OR9Q1: variants seen among roughly 807,000 people sequenced by gnomAD.
OR9Q1 encodes olfactory receptor family 9 subfamily Q member 1, also known as olfactory receptor 9Q1.
For synonymous variants in OR9Q1, 153 were observed against 148.6 expected, an observed-to-expected ratio of 1.03 and a Z score of -0.22; for missense variants, 374 against 378.8, an observed-to-expected ratio of 0.99 and a Z score of 0.11.
intron 2 of OR9Q1, among the ~76,000 whole-genome samples, chr11:58,105,330 A>C (rs2120095546): frequency 6.6e-6 from 1 of 152,294 alleles, no homozygotes; most frequent in South Asian, 2.1e-4. Context: ...ATTAATTTAT[A>C]CCTTTATTGA....
intron 2 of OR9Q1, among the ~76,000 whole-genome samples, chr11:58,071,202 CAG>C (rs919042379): frequency 6.6e-6 from 1 of 152,096 alleles, no homozygotes; most frequent in East Asian, 1.9e-4. Context: ...AGAAGCCAGA[CAG>C]GGGCTGGGCC....
In OR9Q1 at chr11:58,036,355, T is replaced by C. The variant is rs142755936; in HGVS notation, c.-93+12251T>C. On this transcript the variant is annotated intron_variant, in intron 1 of 2. Coordinates refer to ENST00000335397, the MANE Select transcript of OR9Q1 (RefSeq NM_001005212.4). ...TACTGCTCATTGACAATGCACCTGATGACACGAGAGTTCTGATGGAAATGT... is the reference window on the plus strand; with the variant it reads ...TACTGCTCATTGACAATGCACCTGACGACACGAGAGTTCTGATGGAAATGT... Among the ~76,000 whole-genome samples, 203 of 152,372 alleles carry C rather than the reference T, an allele frequency of 1.3e-3. 3 individuals are homozygous for C. The highest frequency in any genetic ancestry group is 4.3e-3 in the African/African-American group (179 of 41,592).
chr11:58,097,631 A>G (rs942068628), intron 2 of OR9Q1, among the ~76,000 whole-genome samples: 1 of 152,234 alleles, frequency 6.6e-6, no homozygotes. Context: ...AGATGGCGTC[A>G]TATATCCACA....
At chr11:58,154,983 T>C (rs549129027) in intron 2 of OR9Q1, among the ~76,000 whole-genome samples, 1 of 152,326 alleles carries the variant, frequency 6.6e-6, no homozygotes, top group Non-Finnish European at 1.5e-5. Flanking sequence ...ATGGAAAATA[T>C]GTTTTTATCT....
intron 2 of OR9Q1, among the ~76,000 whole-genome samples, chr11:58,088,089 C>A (rs1228352736): frequency 6.6e-6 from 1 of 151,858 alleles, no homozygotes; most frequent in South Asian, 2.1e-4. Context: ...GATCCACCTG[C>A]CTTGGCCTCC....
At chr11:58,062,410 G>C (rs1853388665) in intron 2 of OR9Q1, among the ~76,000 whole-genome samples, 1 of 152,148 alleles carries the variant, frequency 6.6e-6, no homozygotes, top group Non-Finnish European at 1.5e-5. Context: ...TTACATTCCA[G>C]TCCTAAGGAT....
At chr11:58,102,032 C>G (rs879612380) in intron 2 of OR9Q1, among the ~76,000 whole-genome samples, 1 of 152,196 alleles carries the variant, frequency 6.6e-6, no homozygotes, top group Non-Finnish European at 1.5e-5. Context: ...AGGTGTGAGC[C>G]ACCACGCCCG....
intron 2 of OR9Q1, among the ~76,000 whole-genome samples, chr11:58,095,945 G>T (rs1055287348): frequency 6.6e-6 from 1 of 152,138 alleles, no homozygotes; most frequent in Non-Finnish European, 1.5e-5. Flanking sequence ...AGGTCTCAGT[G>T]TGGTAGAAGC....
chr11:58,095,859 A>T (rs1050668615), intron 2 of OR9Q1, among the ~76,000 whole-genome samples: 3 of 152,196 alleles, frequency 2.0e-5, no homozygotes, highest in African/African-American at 4.8e-5. Flanking sequence ...ATAAGATATG[A>T]TTGATTTGTC....
At chr11:58,058,736 A>G (rs557680437) in intron 2 of OR9Q1, among the ~76,000 whole-genome samples, 10 of 152,304 alleles carry the variant, frequency 6.6e-5, no homozygotes, top group Middle Eastern at 3.4e-3. Context: ...TGAGAAGGCC[A>G]TGCAGCCACC....
intron 2 of OR9Q1, among the ~76,000 whole-genome samples, chr11:58,071,115 C>A (rs1212912405): frequency 1.3e-5 from 2 of 152,188 alleles, no homozygotes; most frequent in African/African-American, 4.8e-5. Flanking sequence ...AAGAGAAACT[C>A]TTCTCTCTCT....
chr11:58,038,573 T>C (rs1853130069), intron 1 of OR9Q1, among the ~76,000 whole-genome samples: 1 of 152,170 alleles, frequency 6.6e-6, no homozygotes, highest in South Asian at 2.1e-4. Flanking sequence ...TTCTGGGTAT[T>C]AGGATACTGA....
At chr11:58,104,846 T>C (rs2120094483) in intron 2 of OR9Q1, among the ~76,000 whole-genome samples, 1 of 152,282 alleles carries the variant, frequency 6.6e-6, no homozygotes, top group East Asian at 1.9e-4. Flanking sequence ...TAATCCTGGG[T>C]GCCTGAATGG....
At chr11:58,089,293 T>C (rs147918440) in intron 2 of OR9Q1, among the ~76,000 whole-genome samples, 6,560 of 151,948 alleles carry the variant, frequency 0.043, 215 homozygotes, top group African/African-American at 0.062. Flanking sequence ...TACATTTAAG[T>C]CTTTAATCTA....
intron 2 of OR9Q1, among the ~76,000 whole-genome samples, chr11:58,071,360 T>C (rs1042578397): frequency 2.6e-5 from 4 of 151,876 alleles, no homozygotes; most frequent in Admixed American, 2.0e-4. Flanking sequence ...TGGTGGTGCA[T>C]GCCTGTAGTC....
intron 2 of OR9Q1, among the ~76,000 whole-genome samples, chr11:58,096,065 T>A (rs1161681715): frequency 6.6e-6 from 1 of 152,092 alleles, no homozygotes; most frequent in Non-Finnish European, 1.5e-5. Flanking sequence ...TAAAGACTAT[T>A]CTGGAAAGCC....
chr11:58,032,124 A>G (rs1853047636), intron 1 of OR9Q1, among the ~76,000 whole-genome samples: 1 of 152,246 alleles, frequency 6.6e-6, no homozygotes, highest in East Asian at 1.9e-4. Flanking sequence ...AAACAAATGA[A>G]AAAACATCCC....
chr11:58,135,211 T>C (rs1014028822), intron 2 of OR9Q1, among the ~76,000 whole-genome samples: 4 of 152,176 alleles, frequency 2.6e-5, no homozygotes, highest in African/African-American at 9.7e-5. Context: ...TCAGTGCAAA[T>C]GTATTGCCAG....
intron 2 of OR9Q1, among the ~76,000 whole-genome samples, chr11:58,133,945 A>G (rs1212205242): frequency 2.6e-5 from 4 of 152,146 alleles, no homozygotes; most frequent in African/African-American, 4.8e-5. Flanking sequence ...GCCATCAGTG[A>G]TACCAGAGAG....
Sources: gnomAD v4.1 joint callset for allele counts (sites outside exome capture counted in the v4.1 genomes callset) on GRCh38, gnomAD v4.1.1 for gene constraint, MANE v1.5 for transcripts, NCBI Gene and HGNC (gene_info 2026-07-23, HGNC 2026-07-21) for gene names.